TTC8: variants seen among roughly 807,000 people sequenced by gnomAD.
The protein encoded by TTC8 is tetratricopeptide repeat domain 8.
In TTC8, 47 loss-of-function variants were observed where a neutral mutation model predicts 72.5. The ratio of observed to expected loss-of-function variants is 0.65; its 90% CI spans 0.51 to 0.83. The LOEUF (loss-of-function observed/expected upper bound fraction) is 0.83, where lower values mean the gene tolerates loss of function less well. Among genes scored for constraint, TTC8 ranks in the 40% least tolerant of loss-of-function variants. TTC8 has a pLI of 0.00. For missense variants in TTC8, 611 were observed against 623.2 expected (o/e 0.98, Z 0.21); for synonymous variants, 199 against 221.4 (o/e 0.90, Z 0.90).
chr14:88,858,552 T>C (rs1297115143), intron 9 of TTC8, among the ~76,000 whole-genome samples: 2 of 152,110 alleles, frequency 1.3e-5, no homozygotes, highest in South Asian at 2.1e-4. Flanking sequence ...TGAAACTATC[T>C]GGTATCTAAC....
intron 1 of TTC8, among the ~76,000 whole-genome samples, chr14:88,826,541 A>G (rs1220639478): frequency 1.3e-5 from 2 of 151,644 alleles, no homozygotes; most frequent in Non-Finnish European, 2.9e-5. Context: ...CCTCTCTACT[A>G]AAAATAGAAA....
At position 88,871,696 on chromosome 14, in the gene TTC8, C is replaced by A; in HGVS notation, c.1197C>A (p.Val399=). 1 of 1,614,042 alleles carries A rather than the reference C, an allele frequency of 6.2e-7. No individual in the cohort carries two copies. The highest frequency in any genetic ancestry group is 8.5e-7 in the Non-Finnish European group (1 of 1,179,982). ...AAAATGAAGAAGAGGCAGCTGATGTCTGGTACAACTTGGGACATGTAGCTG... is the reference window on the plus strand; with the variant it reads ...AAAATGAAGAAGAGGCAGCTGATGTATGGTACAACTTGGGACATGTAGCTG... The part of the protein sequence containing the change: ...LAENEEEAAD[V]WYNLGHVAVG... Residue 399 remains valine (V), a synonymous_variant, in exon 12 of 15, where the codon GTC becomes GTA. Transcript: ENST00000380656. The surrounding 1 kb of genome is among the most constrained non-coding windows in gnomAD (Gnocchi z 4.1).
At position 88,828,645 on chromosome 14, in the gene TTC8, C is replaced by T. The variant is rs530410555; in HGVS notation, c.114+3824C>T. 7.9e-5 allele frequency among the ~76,000 whole-genome samples: 12 copies of T among 152,252 alleles called. No individual in the cohort carries two copies. In the South Asian group the frequency reaches 1.5e-3, roughly 18 times the overall value. On this transcript the variant is annotated intron_variant, in intron 1 of 14. Transcript: ENST00000380656. ...AGATAGTTTTTGTTTTTAATAATGT[C>T]ATTTTTCACTTTTGGTTTTGCTTAT...
rs2094860637 is a variant in TTC8, at chr14:88,857,208, A to G, written c.729A>G (p.Glu243=). Residue 243 remains glutamate (E), a synonymous_variant, in exon 9 of 15, where the codon GAA becomes GAG. Coordinates refer to ENST00000380656, the MANE Select transcript of TTC8 (RefSeq NM_144596.4). ...TTTGTAGGTTGGGAATGTATCGTGA[A>G]GCAGAAAAACAGTTTAAATCAGCCC... ...KCYYRLGMYR[E]AEKQFKSALK... is the part of the protein sequence containing the mutation. 3 of 1,613,818 alleles carry G rather than the reference A, an allele frequency of 1.9e-6. No homozygotes were observed. Among genetic ancestry groups the G allele is most frequent in the Non-Finnish European group, 2.5e-6 (3 of 1,179,934 alleles).
intron 10 of TTC8, among the ~76,000 whole-genome samples, chr14:88,864,596 A>G (rs974260644): frequency 3.3e-5 from 5 of 152,168 alleles, no homozygotes; most frequent in Non-Finnish European, 7.3e-5. Context: ...CCTTTTCTCA[A>G]CCTTTCCCTG....
intron 8 of TTC8, among the ~76,000 whole-genome samples, chr14:88,855,778 G>A (rs986006066): frequency 1.3e-5 from 2 of 152,086 alleles, no homozygotes; most frequent in South Asian, 2.1e-4. Flanking sequence ...TTTCAGTCAC[G>A]TGTTTAAGAC....
chr14:88,830,595 T>C (rs971377905), intron 1 of TTC8, among the ~76,000 whole-genome samples: 1 of 152,224 alleles, frequency 6.6e-6, no homozygotes, highest in African/African-American at 2.4e-5. Context: ...GAGAAGGTAA[T>C]GTAGATTATA....
chr14:88,850,329 C>T (rs1320883266), intron 7 of TTC8, among the ~76,000 whole-genome samples: 1 of 152,128 alleles, frequency 6.6e-6, no homozygotes, highest in Non-Finnish European at 1.5e-5. Flanking sequence ...CAGCAATATT[C>T]CAGAACAACA....
At chr14:88,872,215 A>T in intron 12 of TTC8, 115 bp from the exon 13 acceptor site, 1 of 1,437,852 alleles carries the variant, frequency 7.0e-7, no homozygotes, top group Non-Finnish European at 9.6e-7. Context: ...ATTGACTTCT[A>T]TAATTGTATG....
chr14:88,857,287 TC>T lies in TTC8; in HGVS notation c.798+11del. 1 of 1,609,568 alleles carries T rather than the reference TC, an allele frequency of 6.2e-7. No individual in the cohort carries two copies. Among genetic ancestry groups the T allele is most frequent in the Non-Finnish European group, 8.5e-7 (1 of 1,176,076 alleles). On this transcript the variant is annotated intron_variant, in intron 9 of 14. Transcript: ENST00000380656. Reference sequence around the variant, plus strand: ...TCTGTACTTGGCAAAAGTAAGTAAATCTTAATTTGAGTGAAATCTGCCTTCT... The same window carrying T: ...TCTGTACTTGGCAAAAGTAAGTAAATTTAATTTGAGTGAAATCTGCCTTCT...
intron 3 of TTC8, among the ~76,000 whole-genome samples, chr14:88,839,919 C>G (rs1471986758): frequency 6.6e-6 from 1 of 152,130 alleles, no homozygotes; most frequent in Admixed American, 6.5e-5. Context: ...TCTATTTGAA[C>G]TACTTGTCTA....
At chr14:88,860,783 C>T (rs1478702237) in intron 9 of TTC8, among the ~76,000 whole-genome samples, 1 of 151,332 alleles carries the variant, frequency 6.6e-6, no homozygotes, top group Non-Finnish European at 1.5e-5. Flanking sequence ...TAATCCTGCA[C>T]ATTTTTGAAA....
chr14:88,825,007 C>G (rs900247903), intron 1 of TTC8, among the ~76,000 whole-genome samples, 186 bp downstream of exon 1: 4 of 152,190 alleles, frequency 2.6e-5, no homozygotes, highest in African/African-American at 9.6e-5. Context: ...TCCGCCACGT[C>G]CACGGGGATA....
chr14:88,858,817 G>T (rs545903236), intron 9 of TTC8, among the ~76,000 whole-genome samples: 5 of 136,786 alleles, frequency 3.7e-5, no homozygotes, highest in African/African-American at 1.4e-4. Context: ...TGATAGGCTG[G>T]TCTCAAACTC....
chr14:88,839,508 T>C lies in TTC8; in HGVS notation c.201T>C (p.Ile67=). The C allele has an allele frequency of 6.2e-7, 1 of 1,613,290 alleles. No individual in the cohort carries two copies. Among genetic ancestry groups the C allele is most frequent in the Middle Eastern group, 1.7e-4 (1 of 6,054 alleles). The change falls in exon 3 of 15, where the codon ATT becomes ATC. Residue 67 remains isoleucine (I), a synonymous_variant. Coordinates refer to ENST00000380656, the MANE Select transcript of TTC8 (RefSeq NM_144596.4). ...CAGAAATGGTATACATAGATGAAAT[T>C]GATGTAGATCAGGAAGGAATTGCAG... ...ALTEMVYIDE[I]DVDQEGIAEM... is the part of the protein sequence containing the mutation.
At chr14:88,831,362 G>A (rs2094725146) in intron 1 of TTC8, among the ~76,000 whole-genome samples, 1 of 152,152 alleles carries the variant, frequency 6.6e-6, no homozygotes, top group Admixed American at 6.5e-5. Context: ...GTTTTCATGA[G>A]TATAAATACA....
At chr14:88,824,864 G>T in intron 1 of TTC8, 43 bp downstream of exon 1, 2 of 1,548,266 alleles carry the variant, frequency 1.3e-6, no homozygotes, top group Admixed American at 1.8e-5. Flanking sequence ...TGACGCTGAG[G>T]CTGCGGGGTC....
At chr14:88,859,889 A>C (rs923994724) in intron 9 of TTC8, among the ~76,000 whole-genome samples, 2 of 137,378 alleles carry the variant, frequency 1.5e-5, no homozygotes, top group African/African-American at 3.0e-5. Context: ...TATATTATAT[A>C]ATATATAATA....
intron 14 of TTC8, 114 bp from the exon 15 acceptor site, chr14:88,877,180 A>G (rs532913682): frequency 1.2e-6 from 1 of 809,308 alleles, no homozygotes; most frequent in African/African-American, 1.7e-5. Flanking sequence ...AAAAAAAGAA[A>G]AGAACCCTTT....
Sources: gnomAD v4.1 joint callset for allele counts (sites outside exome capture counted in the v4.1 genomes callset) on GRCh38, gnomAD v4.1.1 for gene constraint, Gnocchi (gnomAD v3.1) non-coding constraint, MANE v1.5 for transcripts, NCBI Gene and HGNC (gene_info 2026-07-23, HGNC 2026-07-21) for gene names.